The following SLC4A5 variants were observed in gnomAD, a reference collection of about 807,000 sequenced individuals.
SLC4A5 encodes the protein electrogenic sodium bicarbonate cotransporter 4.
SLC4A5 carries 96 observed loss-of-function variants against 120.4 expected under a neutral mutation model. That is an observed-to-expected ratio of 0.80 (90% confidence interval 0.68 to 0.94). The LOEUF is 0.94. Among genes scored for constraint, SLC4A5 ranks in the 40% least tolerant of loss-of-function variants. The pLI is 0.00. For synonymous variants in SLC4A5, 550 were observed against 571.1 expected (o/e 0.96, Z 0.53); for missense variants, 1,259 against 1,459.5 (o/e 0.86, Z 2.24).
chr2:74,325,336 G>A (rs1051088580), intron 5 of SLC4A5, among the ~76,000 whole-genome samples: 7 of 152,186 alleles, frequency 4.6e-5, no homozygotes, highest in African/African-American at 1.7e-4. Flanking sequence ...TAATATTCAG[G>A]TAGATGCATA....
intron 7 of SLC4A5, among the ~76,000 whole-genome samples, chr2:74,300,129 T>C (rs1672434710): frequency 6.6e-6 from 1 of 152,230 alleles, no homozygotes; most frequent in African/African-American, 2.4e-5. Context: ...AACTATTGCA[T>C]GTTCTCATTT....
At chr2:74,264,056 A>T (rs1379684797) in intron 10 of SLC4A5, 91 bp downstream of exon 10, 1 of 1,476,392 alleles carries the variant, frequency 6.8e-7, no homozygotes, top group African/African-American at 1.4e-5. Flanking sequence ...TTCTCCAGAA[A>T]CTCCCAGCCC....
intron 5 of SLC4A5, among the ~76,000 whole-genome samples, chr2:74,321,898 T>C (rs1362328574): frequency 6.6e-6 from 1 of 151,938 alleles, no homozygotes; most frequent in Non-Finnish European, 1.5e-5. Context: ...TGTGACCCTA[T>C]TCTAGCCAAT....
exon 31 of SLC4A5, chr2:74,217,525 G>A (rs745609691): frequency 1.3e-5 from 2 of 152,164 alleles, no homozygotes; most frequent in Non-Finnish European, 2.9e-5. Context: ...ATGGGAGTTT[G>A]ACTTTGGGAA....
chr2:74,255,822 G>A lies in SLC4A5; in HGVS notation c.978C>T (p.Ile326=). 1 of 1,614,214 alleles carries A rather than the reference G, an allele frequency of 6.2e-7. No homozygotes were observed. The highest frequency in any genetic ancestry group is 8.5e-7 in the Non-Finnish European group (1 of 1,180,044). Residue 326 remains isoleucine (I), a synonymous_variant, in exon 13 of 31, where the codon ATC becomes ATT. Transcript: ENST00000394019. This position sits in a 1 kb window ranked among gnomAD's most constrained non-coding sequence, Gnocchi z 4.0. ...TCACTCCTCCCAGCATGGCCGACTG[G>A]ATGAGGCGCACGAACGCGATGAATG... is the stretch of plus-strand genomic sequence containing the variant.
intron 24 of SLC4A5, among the ~76,000 whole-genome samples, chr2:74,231,936 G>A (rs552463961): frequency 3.3e-5 from 5 of 152,134 alleles, no homozygotes; most frequent in Non-Finnish European, 7.4e-5. Context: ...GTGTGGTCTC[G>A]CCCTGGAGGC....
At chr2:74,331,099 G>C (rs994236972) in intron 4 of SLC4A5, among the ~76,000 whole-genome samples, 1 of 149,814 alleles carries the variant, frequency 6.7e-6, no homozygotes, top group Non-Finnish European at 1.5e-5. Context: ...TGATAGTGAC[G>C]TATAGATGGT....
At chr2:74,240,821 A>G (rs942799852) in intron 20 of SLC4A5, among the ~76,000 whole-genome samples, 1 of 152,188 alleles carries the variant, frequency 6.6e-6, no homozygotes, top group African/African-American at 2.4e-5. Context: ...ATTGCCAACT[A>G]GGATGTGTGT....
chr2:74,283,041 C>A (rs1311847250), intron 8 of SLC4A5, among the ~76,000 whole-genome samples: 2 of 152,204 alleles, frequency 1.3e-5, no homozygotes, highest in African/African-American at 2.4e-5. Context: ...CTGGGCTCTG[C>A]AGCTCTCCCC....
At chr2:74,262,332 G>A in intron 10 of SLC4A5, 100 bp from the exon 11 acceptor site, 2 of 676,118 alleles carry the variant, frequency 3.0e-6, no homozygotes, top group Non-Finnish European at 2.4e-6. Context: ...TGGGTGGCAA[G>A]ACATGTCTCT....
chr2:74,261,303 G>C (rs1223358401), intron 11 of SLC4A5, among the ~76,000 whole-genome samples: 2 of 152,198 alleles, frequency 1.3e-5, no homozygotes, highest in African/African-American at 4.8e-5. Flanking sequence ...CTGCCACTGG[G>C]CATCCCTATG....
intron 8 of SLC4A5, among the ~76,000 whole-genome samples, chr2:74,281,538 C>T (rs893482813): frequency 2.0e-5 from 3 of 152,176 alleles, no homozygotes; most frequent in Non-Finnish European, 2.9e-5. Context: ...CATGGGAATG[C>T]TAGAGACAGA....
intron 17 of SLC4A5, among the ~76,000 whole-genome samples, chr2:74,249,153 T>C (rs1285330855): frequency 6.6e-6 from 1 of 152,180 alleles, no homozygotes; most frequent in East Asian, 1.9e-4. Flanking sequence ...AAACTGTCTC[T>C]AGATATTGTT....
At chr2:74,264,224 A>T (rs773166757) in exon 10 of SLC4A5, 1 of 1,614,242 alleles carries the variant, frequency 6.2e-7, no homozygotes, top group South Asian at 1.1e-5. Flanking sequence ...GTGCCTCCTC[A>T]GGAGGACGTA....
At chr2:74,234,411 T>G (rs1670204228) in intron 22 of SLC4A5, among the ~76,000 whole-genome samples, 1 of 152,160 alleles carries the variant, frequency 6.6e-6, no homozygotes, top group South Asian at 2.1e-4. Context: ...TCTCCTCACC[T>G]CATGATCCGC....
At chr2:74,330,146 G>A (rs968154358) in intron 4 of SLC4A5, among the ~76,000 whole-genome samples, 1 of 151,378 alleles carries the variant, frequency 6.6e-6, no homozygotes, top group Non-Finnish European at 1.5e-5. Context: ...AGATGGAGGT[G>A]GTGATATCTA....
At chr2:74,283,025 G>A (rs1328276845) in intron 8 of SLC4A5, among the ~76,000 whole-genome samples, 1 of 152,192 alleles carries the variant, frequency 6.6e-6, no homozygotes, top group African/African-American at 2.4e-5. Flanking sequence ...ATCTTGGATA[G>A]GCATCCTGGG....
chr2:74,233,421 C>T (rs376583602), exon 23 of SLC4A5: 14 of 1,614,062 alleles, frequency 8.7e-6, no homozygotes, highest in Admixed American at 1.7e-5. Context: ...GTTCTCCTTC[C>T]GGTTGACAAT....
chr2:74,228,598 C>T (rs1343092060), intron 25 of SLC4A5, among the ~76,000 whole-genome samples: 2 of 152,056 alleles, frequency 1.3e-5, no homozygotes, highest in Non-Finnish European at 2.9e-5. Flanking sequence ...CTACTGAACT[C>T]CAGCCTGGGC....
Sources: gnomAD v4.1 joint callset for allele counts (sites outside exome capture counted in the v4.1 genomes callset) on GRCh38, gnomAD v4.1.1 for gene constraint, Gnocchi (gnomAD v3.1) non-coding constraint, MANE v1.5 for transcripts, NCBI Gene and HGNC (gene_info 2026-07-23, HGNC 2026-07-21) for gene names.